The following IGBP1C variants were observed in gnomAD, a reference collection of about 807,000 sequenced individuals.
IGBP1C encodes the protein immunoglobulin-binding protein 1 family member C.
the IGBP1C span, among the ~76,000 whole-genome samples, chr17:58,664,021 C>A: frequency 6.6e-6 from 1 of 152,080 alleles, no homozygotes; most frequent in Non-Finnish European, 1.5e-5. Flanking sequence ...GAGAGTGAGA[C>A]CCTGTCTTAA....
the IGBP1C span, among the ~76,000 whole-genome samples, chr17:58,688,331 G>A: frequency 2.0e-5 from 3 of 152,090 alleles, no homozygotes; most frequent in African/African-American, 7.2e-5. Flanking sequence ...CATCGCCCAG[G>A]CTGGTCTTGA....
the IGBP1C span, among the ~76,000 whole-genome samples, chr17:58,666,046 CAAA>C: frequency 2.0e-5 from 2 of 99,042 alleles, no homozygotes. Flanking sequence ...GACTCTGTCT[CAAA>C]AAAAAAAAAA....
the IGBP1C span, among the ~76,000 whole-genome samples, chr17:58,669,052 T>C: frequency 2.0e-5 from 3 of 152,088 alleles, no homozygotes; most frequent in Non-Finnish European, 4.4e-5. Flanking sequence ...CTGTATTGTG[T>C]AAAAAAGGGG....
the IGBP1C span, among the ~76,000 whole-genome samples, chr17:58,666,947 G>C: frequency 6.6e-6 from 1 of 152,178 alleles, no homozygotes; most frequent in Non-Finnish European, 1.5e-5. Context: ...TGGCTGGTCA[G>C]AGAGCGCAAC....
chr17:58,679,625 G>C, the IGBP1C span: 1 of 152,320 alleles, frequency 6.6e-6, no homozygotes, highest in South Asian at 2.1e-4. Context: ...CACAATGCAA[G>C]AGACAAACCT....
At chr17:58,661,452 G>A in the IGBP1C span, 1 of 788,768 alleles carries the variant, frequency 1.3e-6, no homozygotes, top group East Asian at 2.4e-5. Flanking sequence ...TTGTCAAGGA[G>A]GTCGAGGCCC....
At chr17:58,679,908 A>AT in the IGBP1C span, among the ~76,000 whole-genome samples, 1 of 152,134 alleles carries the variant, frequency 6.6e-6, no homozygotes, top group Admixed American at 6.6e-5. Context: ...GCGCTTATCT[A>AT]CATACTCCAC....
the IGBP1C span, chr17:58,660,891 G>T: frequency 1.2e-6 from 1 of 816,928 alleles, no homozygotes; most frequent in Non-Finnish European, 2.2e-6. Context: ...GGCCTCTTCT[G>T]GTGACATGAG....
At chr17:58,664,311 T>C in the IGBP1C span, among the ~76,000 whole-genome samples, 96,726 of 152,032 alleles carry the variant, frequency 0.64, 31,150 homozygotes, top group African/African-American at 0.71. Context: ...TTGTGCCCCC[T>C]CATGGCTCTG....
chr17:58,691,435 G>A, the IGBP1C span, among the ~76,000 whole-genome samples: 2 of 151,794 alleles, frequency 1.3e-5, no homozygotes, highest in Admixed American at 1.3e-4. Flanking sequence ...TTGGGAGGCC[G>A]AGGCAGGCGG....
the IGBP1C span, among the ~76,000 whole-genome samples, chr17:58,689,777 C>G: frequency 6.6e-6 from 1 of 151,524 alleles, no homozygotes; most frequent in African/African-American, 2.4e-5. Context: ...AGCATGACTA[C>G]AGAGCAAATT....
the IGBP1C span, among the ~76,000 whole-genome samples, chr17:58,685,958 G>A: frequency 2.0e-4 from 27 of 134,216 alleles, no homozygotes; most frequent in Admixed American, 1.9e-3. Flanking sequence ...TCACACCACC[G>A]CACTCCAGCC....
At chr17:58,666,584 G>A in the IGBP1C span, 4 of 150,328 alleles carry the variant, frequency 2.7e-5, no homozygotes, top group South Asian at 2.1e-4. Flanking sequence ...ATTATACACT[G>A]TAGTTACCCA....
chr17:58,661,779 C>G, the IGBP1C span: 3 of 522,648 alleles, frequency 5.7e-6, no homozygotes, highest in Admixed American at 1.1e-4. Flanking sequence ...GGGTCTGAAT[C>G]GCTGCTCCAC....
chr17:58,676,031 C>T, the IGBP1C span, among the ~76,000 whole-genome samples: 7 of 152,148 alleles, frequency 4.6e-5, no homozygotes, highest in East Asian at 9.7e-4. Context: ...CCTGAAGTCA[C>T]GAGTTCGAGA....
At chr17:58,670,771 T>TCAAAA in the IGBP1C span, among the ~76,000 whole-genome samples, 18 of 7,954 alleles carry the variant, frequency 2.3e-3, 8 homozygotes, top group South Asian at 0.024. Flanking sequence ...AGACTCCCTC[T>TCAAAA]TAAAAAAAAA....
At chr17:58,667,248 T>G in the IGBP1C span, among the ~76,000 whole-genome samples, 1 of 152,180 alleles carries the variant, frequency 6.6e-6, no homozygotes, top group Non-Finnish European at 1.5e-5. Flanking sequence ...TGGAGGGTTT[T>G]GGAATCCAAG....
the IGBP1C span, chr17:58,661,371 C>A: frequency 1.1e-6 from 1 of 923,604 alleles, no homozygotes; most frequent in East Asian, 2.4e-5. Flanking sequence ...TACTTCAGGT[C>A]GGTGGAAGTA....
the IGBP1C span, among the ~76,000 whole-genome samples, chr17:58,678,648 G>C: frequency 2.0e-5 from 3 of 151,942 alleles, no homozygotes; most frequent in African/African-American, 7.2e-5. Context: ...CACGGGGTGG[G>C]GAACATCATA....
Sources: allele counts gnomAD v4.1 joint callset (sites outside exome capture counted in the v4.1 genomes callset), GRCh38; gene constraint gnomAD v4.1.1; transcripts MANE v1.5; gene names NCBI Gene and HGNC (gene_info 2026-07-23, HGNC 2026-07-21).